Variants in ADGRL3 observed in about 807,000 individuals in gnomAD.
ADGRL3 encodes adhesion G protein-coupled receptor L3.
In ADGRL3, 62 loss-of-function variants were observed where a neutral mutation model predicts 153.5. That is an observed-to-expected ratio of 0.40 (90% confidence interval 0.33 to 0.50). The LOEUF (loss-of-function observed/expected upper bound fraction) is 0.50, where lower values mean the gene tolerates loss of function less well. Among genes scored for constraint, ADGRL3 ranks in the 20% least tolerant of loss-of-function variants. ADGRL3 has a pLI of 0.47. For synonymous variants in ADGRL3, 710 were observed against 672.5 expected (o/e 1.06, Z -0.86); for missense variants, 1,641 against 1,859.4 (o/e 0.88, Z 2.16).
At chr4:61,235,569 C>T (rs1043323574) in intron 1 of ADGRL3, among the ~76,000 whole-genome samples, 1 of 152,114 alleles carries the variant, frequency 6.6e-6, no homozygotes, top group African/African-American at 2.4e-5. Context: ...TAATTACTCC[C>T]AGGCCAGGAG....
intron 1 of ADGRL3, among the ~76,000 whole-genome samples, chr4:61,313,226 T>G (rs1480817747): frequency 6.6e-6 from 1 of 152,148 alleles, no homozygotes; most frequent in Non-Finnish European, 1.5e-5. Flanking sequence ...GATCAGTGGT[T>G]GCCAGAGGAT....
chr4:61,777,780 T>C (rs1223602090), intron 8 of ADGRL3, among the ~76,000 whole-genome samples: 1 of 152,160 alleles, frequency 6.6e-6, no homozygotes, highest in East Asian at 1.9e-4. Context: ...ATTTATTTGC[T>C]AAGGAAGAAA....
At chr4:61,532,658 T>C (rs1467732507) in intron 4 of ADGRL3, among the ~76,000 whole-genome samples, 1 of 150,774 alleles carries the variant, frequency 6.6e-6, no homozygotes, top group Non-Finnish European at 1.5e-5. Context: ...GCCTGTTAGA[T>C]GAAGAGGCAC....
chr4:62,070,858 C>T lies in ADGRL3; in HGVS notation c.4582C>T (p.Pro1528Ser), dbSNP rs1317914403. ...FIVPPNKDGT[P>S]PEGSSKGPAH... ...AGTTCCTCCAAACAAAGATGGGACC[C>T]CTCCCGAGGGAAGTTCAAAAGGACC... is the stretch of plus-strand genomic sequence containing the variant. The change falls in exon 27 of 27, where the codon CCT (proline) becomes TCT (serine). Residue 1528 changes from proline (P) to serine (S), a missense_variant. Around this residue, in one of 5 missense-constraint regions of ADGRL3, gnomAD observed 517 missense variants for 555.0 expected, o/e 0.93. Coordinates refer to ENST00000683033, the MANE Select transcript of ADGRL3 (RefSeq NM_001387552.1). 1.9e-6 allele frequency: 3 copies of T among 1,551,548 alleles called. No homozygotes were observed. The highest frequency in any genetic ancestry group is 2.6e-6 in the Non-Finnish European group (3 of 1,146,908).
chr4:61,456,435 A>C lies in ADGRL3; in HGVS notation c.-173-40686A>C, dbSNP rs1385491473. ...TATATAGATATATCTATATCTATAT[A>C]TATAGATATATCTATATCTATATAT... On this transcript the variant is annotated intron_variant, in intron 2 of 26. Transcript: ENST00000683033. 4.0e-5 allele frequency among the ~76,000 whole-genome samples: 5 copies of C among 124,040 alleles called. No individual in the cohort carries two copies. In the South Asian group the frequency reaches 7.8e-4, roughly 19 times the overall value. 81.4% of individuals were successfully genotyped at this position (124,040 alleles called of 152,430 possible). A position where few individuals can be genotyped will look rare whatever the true frequency, so the allele number is the denominator to read the frequency against.
chr4:61,377,721 T>G (rs2096620753), intron 1 of ADGRL3, among the ~76,000 whole-genome samples: 1 of 151,902 alleles, frequency 6.6e-6, no homozygotes, highest in African/African-American at 2.4e-5. Flanking sequence ...TCATTCCCTC[T>G]TTTTTTGCTC....
intron 2 of ADGRL3, among the ~76,000 whole-genome samples, chr4:61,392,698 A>AAAAAAAAAAAAAAAAAAAAAAC: frequency 6.8e-6 from 1 of 146,012 alleles, no homozygotes; most frequent in South Asian, 2.2e-4. Context: ...AAAAAAAAAA[A>AAAAAAAAAAAAAAAAAAAAAAC]AAAAAAAAGA....
At chr4:61,319,623 T>G (rs189880144) in intron 1 of ADGRL3, among the ~76,000 whole-genome samples, 130 of 152,306 alleles carry the variant, frequency 8.5e-4, no homozygotes, top group African/African-American at 2.9e-3. Flanking sequence ...ACTAATAAAC[T>G]GAGAATTAAT....
intron 4 of ADGRL3, among the ~76,000 whole-genome samples, chr4:61,552,098 G>T (rs1239666781): frequency 6.6e-6 from 1 of 152,126 alleles, no homozygotes; most frequent in Admixed American, 6.5e-5. Flanking sequence ...TGTGATTATA[G>T]GTATAGAATT....
chr4:62,010,513 T>C (rs530947592), intron 21 of ADGRL3, among the ~76,000 whole-genome samples: 175 of 152,280 alleles, frequency 1.1e-3, no homozygotes, highest in African/African-American at 4.1e-3. Flanking sequence ...TTTAAAAATA[T>C]CTCACCCTAC....
Position 61,771,142 on chromosome 4 carries a change from G to A in ADGRL3, c.1399+37588G>A, listed in dbSNP as rs556312274. 6.6e-5 allele frequency among the ~76,000 whole-genome samples: 10 copies of A among 152,304 alleles called. No homozygotes were observed. In the East Asian group the frequency reaches 1.5e-3, roughly 24 times the overall value. On this transcript the variant is annotated intron_variant, in intron 8 of 26. Transcript: ENST00000683033. ...CTTCCAGTGCACATGTGGGTCCTTAGACTGAGTCCCTCCATATTGATTTAT... is the reference window on the plus strand; with the variant it reads ...CTTCCAGTGCACATGTGGGTCCTTAAACTGAGTCCCTCCATATTGATTTAT...
chr4:61,553,007 G>A (rs1437547824), intron 4 of ADGRL3, among the ~76,000 whole-genome samples: 1 of 152,122 alleles, frequency 6.6e-6, no homozygotes, highest in Non-Finnish European at 1.5e-5. Context: ...CCACCTAGTA[G>A]TCAGGAAAAC....
In ADGRL3 at chr4:62,053,282, A is replaced by G. The variant is rs192597220; in HGVS notation, c.3814+8733A>G. On this transcript the variant is annotated intron_variant, in intron 25 of 26. Transcript: ENST00000683033. ...GCCTCATTGGAAAGAAAGTACTTAA[A>G]TTGTAACAACCAATAATTGGGTAGT... is the stretch of plus-strand genomic sequence containing the variant. 1.1e-4 allele frequency among the ~76,000 whole-genome samples: 17 copies of G among 151,694 alleles called. No homozygotes were observed. In the East Asian group the frequency reaches 3.3e-3, roughly 29 times the overall value.
intron 1 of ADGRL3, among the ~76,000 whole-genome samples, chr4:61,340,812 T>G (rs945708973): frequency 4.6e-5 from 7 of 151,048 alleles, no homozygotes; most frequent in Admixed American, 6.6e-5. Flanking sequence ...TATTATATAT[T>G]TATGTGTGTG....
intron 1 of ADGRL3, among the ~76,000 whole-genome samples, chr4:61,368,836 C>G (rs900177103): frequency 2.0e-5 from 3 of 152,120 alleles, no homozygotes; most frequent in African/African-American, 4.8e-5. Flanking sequence ...GCCATTTTCA[C>G]AATATTGATT....
intron 17 of ADGRL3, among the ~76,000 whole-genome samples, chr4:61,968,368 C>A (rs1414685472): frequency 6.6e-6 from 1 of 151,688 alleles, no homozygotes; most frequent in Non-Finnish European, 1.5e-5. Flanking sequence ...AGGTTTCTTA[C>A]ATCTTCTTTA....
At chr4:61,373,722 G>A (rs1306248817) in intron 1 of ADGRL3, among the ~76,000 whole-genome samples, 1 of 152,060 alleles carries the variant, frequency 6.6e-6, no homozygotes, top group Non-Finnish European at 1.5e-5. Context: ...TTTTTAAAGA[G>A]TTGTGTTGCT....
intron 1 of ADGRL3, among the ~76,000 whole-genome samples, chr4:61,274,417 T>C (rs771633269): frequency 6.6e-6 from 1 of 152,166 alleles, no homozygotes; most frequent in Non-Finnish European, 1.5e-5. Context: ...GTTGGCCCCA[T>C]GTTGAAAACA....
At chr4:61,296,028 A>G (rs949060784) in intron 1 of ADGRL3, among the ~76,000 whole-genome samples, 35 of 152,278 alleles carry the variant, frequency 2.3e-4, no homozygotes, top group Admixed American at 1.1e-3. Flanking sequence ...AGTATATGTT[A>G]TGTGTTTTAA....
Sources: allele counts gnomAD v4.1 joint callset (sites outside exome capture counted in the v4.1 genomes callset), GRCh38; gene constraint gnomAD v4.1.1; regional missense constraint gnomAD v4.1.1; transcripts MANE v1.5; gene names NCBI Gene and HGNC (gene_info 2026-07-23, HGNC 2026-07-21).